The following F13A1 variants were observed in gnomAD, a reference collection of about 807,000 sequenced individuals.
F13A1 encodes the protein coagulation factor XIII A chain.
Under a neutral mutation model 80.1 loss-of-function variants are expected in F13A1, and 47 were observed. The ratio of observed to expected loss-of-function variants is 0.59; its 90% CI spans 0.46 to 0.75. The LOEUF is 0.75. Ranked by LOEUF, F13A1 falls within the 30% of genes least tolerant of loss-of-function variation. The probability of loss-of-function intolerance (pLI) is 0.00; values close to 1 mark genes in which losing one functional copy is unlikely to be tolerated. For missense variants in F13A1, 817 were observed against 930.4 expected (o/e 0.88, Z 1.59); for synonymous variants, 349 against 344.9 (o/e 1.01, Z -0.13).
At chr6:6,305,262 A>G (rs760314691) in intron 3 of F13A1, 89 bp downstream of exon 3, 16 of 1,414,198 alleles carry the variant, frequency 1.1e-5, no homozygotes, top group Middle Eastern at 3.5e-4. Flanking sequence ...GACATATGAC[A>G]CTAGGAAATC....
At chr6:6,166,992 T>C (rs1385885273) in intron 13 of F13A1, among the ~76,000 whole-genome samples, 1 of 152,196 alleles carries the variant, frequency 6.6e-6, no homozygotes, top group Non-Finnish European at 1.5e-5. Context: ...TACAAAATCA[T>C]CATCAAGCTG....
At chr6:6,300,914 C>T (rs1346286824) in intron 3 of F13A1, among the ~76,000 whole-genome samples, 1 of 151,820 alleles carries the variant, frequency 6.6e-6, no homozygotes, top group Non-Finnish European at 1.5e-5. Flanking sequence ...AAAACGTTAG[C>T]TAAAATGGAT....
chr6:6,183,424 A>G lies in F13A1; in HGVS notation c.1306-1283T>C, dbSNP rs145636347. ...ATTCAGAATCCTAATGATGAACAAA[A>G]TAGATTTGGTTGCTGCCATTAGAGA... On this transcript the variant is annotated intron_variant, in intron 10 of 14. Coordinates refer to ENST00000264870, the MANE Select transcript of F13A1 (RefSeq NM_000129.4). Among the ~76,000 whole-genome samples, 254 of 152,374 alleles carry G rather than the reference A, an allele frequency of 1.7e-3. 1 individual carries two copies. Among genetic ancestry groups the G allele is most frequent in the African/African-American group, 5.9e-3 (246 of 41,598 alleles).
intron 13 of F13A1, among the ~76,000 whole-genome samples, chr6:6,156,638 G>T (rs1171311934): frequency 6.6e-6 from 1 of 152,164 alleles, no homozygotes; most frequent in African/African-American, 2.4e-5. Context: ...ATCACCACAG[G>T]CACTGCCCCT....
At chr6:6,196,011 C>T (rs1761284361) in intron 9 of F13A1, 126 bp from the exon 10 acceptor site, 1 of 897,700 alleles carries the variant, frequency 1.1e-6, no homozygotes, top group African/African-American at 1.6e-5. Flanking sequence ...GCTGATTTAG[C>T]CCAGATGCTT....
rs561562976 is a variant in F13A1, at chr6:6,213,198, G to A, written c.1112+8835C>T. 4.5e-4 allele frequency among the ~76,000 whole-genome samples: 68 copies of A among 152,048 alleles called. No homozygotes were observed. The South Asian group carries it at 4.6e-3, about 10-fold the overall frequency. On this transcript the variant is annotated intron_variant, in intron 8 of 14. Transcript: ENST00000264870. ...AGAGAACACCACAAAGATACTCCTC[G>A]AGACGAGCAACTCCAAGACACATAA...
intron 13 of F13A1, among the ~76,000 whole-genome samples, chr6:6,163,827 C>A (rs112558660): frequency 6.6e-6 from 1 of 152,096 alleles, no homozygotes; most frequent in Non-Finnish European, 1.5e-5. Flanking sequence ...TGGGTATCTA[C>A]GCAGTAATGG....
intron 6 of F13A1, among the ~76,000 whole-genome samples, chr6:6,226,014 T>A (rs1392132375): frequency 1.3e-5 from 2 of 152,242 alleles, no homozygotes; most frequent in African/African-American, 4.8e-5. Context: ...TACATTCATC[T>A]TGTAGCAGCA....
intron 8 of F13A1, among the ~76,000 whole-genome samples, chr6:6,201,309 T>G (rs1761390394): frequency 6.6e-6 from 1 of 152,230 alleles, no homozygotes; most frequent in Non-Finnish European, 1.5e-5. Flanking sequence ...CATGATCTCT[T>G]CTAGTTTCAC....
At chr6:6,228,845 A>ATTC (rs1426102814) in intron 6 of F13A1, among the ~76,000 whole-genome samples, 1 of 152,062 alleles carries the variant, frequency 6.6e-6, no homozygotes, top group African/African-American at 2.4e-5. Flanking sequence ...AGAGGTAGAG[A>ATTC]TTCTGGAACA....
intron 3 of F13A1, among the ~76,000 whole-genome samples, chr6:6,298,576 C>G: frequency 1.4e-5 from 2 of 146,644 alleles, no homozygotes; most frequent in East Asian, 3.9e-4. Flanking sequence ...GCAACCCCTG[C>G]TTTTTTTTGT....
intron 3 of F13A1, among the ~76,000 whole-genome samples, chr6:6,293,561 A>C (rs1404968787): frequency 6.6e-6 from 1 of 151,960 alleles, no homozygotes; most frequent in Non-Finnish European, 1.5e-5. Context: ...CCAGCAACTC[A>C]TGAACGCAGT....
Position 6,174,586 on chromosome 6 carries a change from A to C in F13A1, c.1741T>G (p.Leu581Val), listed in dbSNP as rs1376133031. The C allele has an allele frequency of 2.5e-6, 4 of 1,613,996 alleles. No homozygotes were observed. The African/African-American group carries it at 5.3e-5, about 22-fold the overall frequency. Reference sequence around the variant, plus strand: ...CACACCATTGTTAGCTTACAGGACAAGGGCTCCAGCGTCACGTCGAACGTC... The same window carrying C: ...CACACCATTGTTAGCTTACAGGACACGGGCTCCAGCGTCACGTCGAACGTC... ...KETFDVTLEP[L>V]SFKKEAVLIQ... The change falls in exon 12 of 15, where the codon TTG becomes GTG. Residue 581 changes from leucine to valine, a missense_variant. Transcript: ENST00000264870.
intron 2 of F13A1, among the ~76,000 whole-genome samples, chr6:6,306,532 C>T (rs1015443435): frequency 6.6e-6 from 1 of 152,250 alleles, no homozygotes; most frequent in Non-Finnish European, 1.5e-5. Context: ...TTTTCCCCTT[C>T]CCCTCTATGA....
intron 4 of F13A1, 122 bp from the exon 5 acceptor site, chr6:6,251,051 C>A (rs61296735): frequency 0.016 from 12,621 of 794,510 alleles, 545 homozygotes; most frequent in East Asian, 0.13. Flanking sequence ...TTAAAAAATG[C>A]CCTTTGTTTC....
intron 4 of F13A1, among the ~76,000 whole-genome samples, chr6:6,257,691 C>T (rs1477526041): frequency 3.9e-5 from 6 of 152,188 alleles, no homozygotes; most frequent in Admixed American, 6.5e-5. Flanking sequence ...ACAGTGCTCA[C>T]GACAGCACAA....
intron 3 of F13A1, among the ~76,000 whole-genome samples, chr6:6,267,739 T>TC (rs1373882459): frequency 1.1e-4 from 15 of 139,800 alleles, no homozygotes; most frequent in Non-Finnish European, 4.7e-5. Flanking sequence ...AATGATAGAT[T>TC]TAAAAAAAAA....
At chr6:6,166,728 C>T (rs1415718329) in intron 13 of F13A1, among the ~76,000 whole-genome samples, 1 of 152,232 alleles carries the variant, frequency 6.6e-6, no homozygotes, top group East Asian at 1.9e-4. Context: ...CTTCCACTCT[C>T]ATCAACCCTC....
intron 13 of F13A1, among the ~76,000 whole-genome samples, chr6:6,166,173 CT>C (rs1446868603): frequency 1.3e-5 from 2 of 152,254 alleles, no homozygotes; most frequent in African/African-American, 4.8e-5. Flanking sequence ...GTTATAGAAC[CT>C]CTCTGTGCTT....
Sources: allele counts gnomAD v4.1 joint callset (sites outside exome capture counted in the v4.1 genomes callset), GRCh38; gene constraint gnomAD v4.1.1; transcripts MANE v1.5; gene names NCBI Gene and HGNC (gene_info 2026-07-23, HGNC 2026-07-21).